Variants in SLC12A5 observed in about 807,000 individuals in gnomAD.
The protein encoded by SLC12A5 is solute carrier family 12 member 5.
A neutral mutation model predicts 124.0 loss-of-function variants in SLC12A5; 18 were observed. The ratio of observed to expected loss-of-function variants is 0.15; its 90% CI spans 0.10 to 0.22. The LOEUF is 0.22. SLC12A5 is among the 10% of genes least tolerant of loss of function. SLC12A5 has a pLI of 1.00. For missense variants in SLC12A5, 867 were observed against 1,478.7 expected, an observed-to-expected ratio of 0.59 and a Z score of 6.78; for synonymous variants, 589 against 568.0, an observed-to-expected ratio of 1.04 and a Z score of -0.53.
rs558267129 is a variant in SLC12A5 at position 46,055,254 on chromosome 20, ATCT to A, written c.2787+235_2787+237del. ...AGAGGGACTTTGGTATGGGTGACAG[ATCT>A]TCTCCTCTGTATGTGACTTCTGGAG... On this transcript the variant is annotated intron_variant, in intron 21 of 25. Coordinates refer to ENST00000243964, the MANE Select transcript of SLC12A5 (RefSeq NM_020708.5). Among the ~76,000 whole-genome samples the A allele has an allele frequency of 5.8e-3, 891 of 152,314 alleles. 6 individuals are homozygous for A. The highest frequency in any genetic ancestry group is 9.9e-3 in the Non-Finnish European group (673 of 68,018).
At chr20:46,043,976 T>A (rs1158169795) in intron 11 of SLC12A5, 43 bp downstream of exon 11, 54 of 1,420,038 alleles carry the variant, frequency 3.8e-5, no homozygotes, top group Non-Finnish European at 4.8e-5. Context: ...GAGGGGTGGG[T>A]ATAGAAGGCT....
chr20:46,053,743 C>A lies in SLC12A5; in HGVS notation c.2679+34C>A. ...CCAGGAGACACCGCTGGGGTTCCAC[C>A]TGGCCCTCTTTCCTCTTGGCCCCAG... On this transcript the variant is annotated intron_variant, in intron 20 of 25. Transcript: ENST00000243964. This position sits in a 1 kb window ranked among gnomAD's most constrained non-coding sequence, Gnocchi z 4.7. 6.5e-7 allele frequency: 1 copy of A among 1,530,938 alleles called. No homozygotes were observed. Among genetic ancestry groups the A allele is most frequent in the South Asian group, 1.3e-5 (1 of 79,628 alleles). The allele number at this position is 1,530,938 out of a possible 1,614,324, so 94.8% of individuals were successfully genotyped here. A position where few individuals can be genotyped will look rare whatever the true frequency, so the allele number is the denominator to read the frequency against.
chr20:46,056,206 C>T lies in SLC12A5; in HGVS notation c.2844C>T (p.Asn948=), dbSNP rs1273740578. ...RGSIRRKNPA[N]TRLRLNVPEE... ...CAATCCGGAGAAAGAATCCAGCCAA[C>T]ACGCGGCTCCGCCTGAACGTCCCAG... The change falls in exon 22 of 26, where the codon AAC becomes AAT. Residue 948 remains asparagine (N), a synonymous_variant. Transcript: ENST00000243964. The surrounding 1 kb of genome is among the most constrained non-coding windows in gnomAD (Gnocchi z 4.3). 1.2e-6 allele frequency: 2 copies of T among 1,614,090 alleles called. No homozygotes were observed. Among genetic ancestry groups the T allele is most frequent in the African/African-American group, 2.7e-5 (2 of 74,936 alleles).
intron 17 of SLC12A5, among the ~76,000 whole-genome samples, chr20:46,050,967 G>A (rs1319781591): frequency 6.6e-6 from 1 of 152,166 alleles, no homozygotes; most frequent in Non-Finnish European, 1.5e-5. Flanking sequence ...TGACCCCTTG[G>A]GTGGTTAGGT....
In SLC12A5 at chr20:46,035,274, C is replaced by T. The variant is rs1435292611; in HGVS notation, c.148-130C>T. 4 of 1,247,990 alleles carry T rather than the reference C, an allele frequency of 3.2e-6. No individual in the cohort carries two copies. The African/African-American group carries it at 4.5e-5, about 14-fold the overall frequency. 77.3% of individuals were successfully genotyped at this position (1,247,990 alleles called of 1,614,324 possible). A position where few individuals can be genotyped will look rare whatever the true frequency, so the allele number is the denominator to read the frequency against. On this transcript the variant is annotated intron_variant, in intron 2 of 25. Transcript: ENST00000243964. ...CCCCTGTTCTCCTCACCTGTTCCTCCTCCTTTCCCATCTCATCCCAACCTG... is the reference window on the plus strand; with the variant it reads ...CCCCTGTTCTCCTCACCTGTTCCTCTTCCTTTCCCATCTCATCCCAACCTG...
In SLC12A5 at chr20:46,055,102, T is replaced by A; in HGVS notation, c.2787+79T>A. On this transcript the variant is annotated intron_variant, in intron 21 of 25. Transcript: ENST00000243964. ...TGGCAGGTTTAGGATGCCTCAGGGC[T>A]GACACTCCTGGCATTTCAACTTCAC... The A allele has an allele frequency of 3.1e-6, 3 of 979,490 alleles. No individual in the cohort carries two copies. The Admixed American group carries it at 5.6e-5, about 18-fold the overall frequency. 60.7% of individuals were successfully genotyped at this position (979,490 alleles called of 1,614,324 possible). A position where few individuals can be genotyped will look rare whatever the true frequency, so the allele number is the denominator to read the frequency against.
chr20:46,029,490 G>C, intron 1 of SLC12A5, 94 bp downstream of exon 1: 1 of 1,381,128 alleles, frequency 7.2e-7, no homozygotes, highest in Non-Finnish European at 9.9e-7. Flanking sequence ...CTCCTTCAGA[G>C]AGGAGGCTGG....
upstream of SLC12A5, among the ~76,000 whole-genome samples, chr20:46,024,296 GTCTA>G (rs1188519951): frequency 2.6e-5 from 4 of 152,030 alleles, no homozygotes; most frequent in Non-Finnish European, 4.4e-5. Context: ...ACATTTCTGT[GTCTA>G]TCTGAGGGGT....
chr20:46,041,931 G>T (rs939279741), intron 8 of SLC12A5, among the ~76,000 whole-genome samples: 3 of 152,098 alleles, frequency 2.0e-5, no homozygotes, highest in Admixed American at 6.6e-5. Flanking sequence ...ATGCCCGGGG[G>T]GGGAGAGTTC....
upstream of SLC12A5, among the ~76,000 whole-genome samples, chr20:46,026,505 G>A (rs978649542): frequency 6.6e-6 from 1 of 152,258 alleles, no homozygotes; most frequent in Non-Finnish European, 1.5e-5. Flanking sequence ...CTGGAGGCCA[G>A]AATAGGGCAC....
rs1007719133 is a variant in SLC12A5, at chr20:46,053,685, T to C, written c.2655T>C (p.Thr885=). Residue 885 remains threonine, a synonymous_variant, in exon 20 of 26, where the codon ACT becomes ACC. Transcript: ENST00000243964. The surrounding 1 kb of genome is among the most constrained non-coding windows in gnomAD (Gnocchi z 4.7). ...CATTTCTGTATCATTTACGCATCAC[T>C]GCGGAGGTCGAGGTGGTGGAGATGG... ...LTTFLYHLRI[T]AEVEVVEMHE... 2.5e-6 allele frequency: 4 copies of C among 1,604,156 alleles called. No individual in the cohort carries two copies. The highest frequency in any genetic ancestry group is 3.4e-6 in the Non-Finnish European group (4 of 1,173,134).
chr20:46,029,092 C>G (rs2084421896), upstream of SLC12A5: 2 of 1,318,186 alleles, frequency 1.5e-6, no homozygotes. Context: ...CCCCCCAAAA[C>G]CCCGCCAGTG....
At chr20:46,022,080 G>A (rs2084360708) in intron 1 of SLC12A5, 8 of 689,110 alleles carry the variant, frequency 1.2e-5, no homozygotes, top group Non-Finnish European at 1.5e-5. Flanking sequence ...GTGTGGAGGG[G>A]GAGGGGCCAA....
At chr20:46,034,818 G>A in intron 1 of SLC12A5, 130 bp from the exon 2 acceptor site, 1 of 774,894 alleles carries the variant, frequency 1.3e-6, no homozygotes, top group Non-Finnish European at 2.3e-6. Context: ...TGCAAGGAAG[G>A]TGGTATTAGC....
intron 20 of SLC12A5, among the ~76,000 whole-genome samples, chr20:46,054,552 T>G: frequency 6.6e-6 from 1 of 152,248 alleles, no homozygotes; most frequent in East Asian, 1.9e-4. Flanking sequence ...ATTCATTCAC[T>G]CACTCTCCCA....
chr20:46,038,761 A>G (rs547294490), intron 6 of SLC12A5, among the ~76,000 whole-genome samples: 1 of 152,338 alleles, frequency 6.6e-6, no homozygotes, highest in East Asian at 1.9e-4. Flanking sequence ...AAAATCAAAT[A>G]TTCACCAAAC....
Position 46,058,422 on chromosome 20 carries a change from G to A in SLC12A5, c.*817G>A. The A allele has an allele frequency of 2.5e-6, 1 of 398,980 alleles. No individual in the cohort carries two copies. The highest frequency in any genetic ancestry group is 4.4e-6 in the Non-Finnish European group (1 of 226,096). The allele number at this position is 398,980 out of a possible 1,614,324, so 24.7% of individuals were successfully genotyped here. A position where few individuals can be genotyped will look rare whatever the true frequency, so the allele number is the denominator to read the frequency against. ...CCTTTTCCGAGATGAGGTGAGACAAGGGTCCAACTTTTCCTGGATTCGCCT... is the reference window on the plus strand; with the variant it reads ...CCTTTTCCGAGATGAGGTGAGACAAAGGTCCAACTTTTCCTGGATTCGCCT... On this transcript the variant is annotated 3_prime_UTR_variant, in exon 26 of 26. Coordinates refer to ENST00000243964, the MANE Select transcript of SLC12A5 (RefSeq NM_020708.5). The surrounding 1 kb of genome is among the most constrained non-coding windows in gnomAD (Gnocchi z 5.8).
At position 46,046,076 on chromosome 20, in the gene SLC12A5, C is replaced by T. The variant is rs183667788; in HGVS notation, c.1688+80C>T. 84 of 1,333,242 alleles carry T rather than the reference C, an allele frequency of 6.3e-5. No individual in the cohort carries two copies. In the Admixed American group the frequency reaches 1.0e-3, roughly 17 times the overall value. The allele number at this position is 1,333,242 out of a possible 1,614,324, so 82.6% of individuals were successfully genotyped here. On this transcript the variant is annotated intron_variant, in intron 13 of 25. Coordinates refer to ENST00000243964, the MANE Select transcript of SLC12A5 (RefSeq NM_020708.5). ...ATCCTGCAGCCGTTACCTGTGACAA[C>T]CCACCCAGACACTTTAGCAACCCCA...
chr20:46,053,808 G>A lies in SLC12A5; in HGVS notation c.2679+99G>A. The A allele has an allele frequency of 7.6e-7, 1 of 1,319,630 alleles. No individual in the cohort carries two copies. The highest frequency in any genetic ancestry group is 1.5e-5 in the South Asian group (1 of 67,872). The allele number at this position is 1,319,630 out of a possible 1,614,324, so 81.7% of individuals were successfully genotyped here. A position where few individuals can be genotyped will look rare whatever the true frequency, so the allele number is the denominator to read the frequency against. On this transcript the variant is annotated intron_variant, in intron 20 of 25. Transcript: ENST00000243964. The surrounding 1 kb of genome is among the most constrained non-coding windows in gnomAD (Gnocchi z 4.7). ...ACTCTAACACCCATCAGCTTATGAT[G>A]CTGGATCCTTTCCCCCTCATCCATC...
Sources: allele counts gnomAD v4.1 joint callset (sites outside exome capture counted in the v4.1 genomes callset), GRCh38; gene constraint gnomAD v4.1.1; non-coding constraint Gnocchi (gnomAD v3.1); transcripts MANE v1.5; gene names NCBI Gene and HGNC (gene_info 2026-07-23, HGNC 2026-07-21).